Variants in BCAM observed in about 807,000 individuals in gnomAD.
The protein encoded by BCAM is basal cell adhesion molecule.
A neutral mutation model predicts 72.4 loss-of-function variants in BCAM; 61 were observed. That is an observed-to-expected ratio of 0.84 (90% CI 0.69 to 1.04). The LOEUF (loss-of-function observed/expected upper bound fraction) is 1.04, where lower values mean the gene tolerates loss of function less well. BCAM is among the 50% of genes least tolerant of loss of function. The probability of loss-of-function intolerance (pLI) is 0.00; values close to 1 mark genes in which losing one functional copy is unlikely to be tolerated. For synonymous variants in BCAM, 408 were observed against 384.2 expected (o/e 1.06, Z -0.73); for missense variants, 909 against 895.0 (o/e 1.02, Z -0.20).
At position 44,818,799 on chromosome 19, in the gene BCAM, C is replaced by A. The variant is rs980789272; in HGVS notation, c.1253C>A (p.Ser418Tyr). 2 of 1,614,016 alleles carry A rather than the reference C, an allele frequency of 1.2e-6. No individual in the cohort carries two copies. The highest frequency in any genetic ancestry group is 2.2e-5 in the East Asian group (1 of 44,880). ...MLSLSSITFDSNGTYVCEASL... is the reference protein window; with the variant it reads ...MLSLSSITFDYNGTYVCEASL... ...TCGCTCAGTTCTATCACCTTCGATTCCAATGGCACCTACGTATGTGAGGCC... is the reference window on the plus strand; with the variant it reads ...TCGCTCAGTTCTATCACCTTCGATTACAATGGCACCTACGTATGTGAGGCC... The change falls in exon 10 of 15, where the codon TCC (serine) becomes TAC (tyrosine). Residue 418 changes from serine to tyrosine, a missense_variant. Physicochemically the swap from Ser to Tyr is moderately radical, Grantham distance 144 (BLOSUM62 -2). Transcript: ENST00000270233. The surrounding 1 kb of genome is among the most constrained non-coding windows in gnomAD (Gnocchi z 4.6).
chr19:44,809,157 C>T lies in BCAM; in HGVS notation c.33C>T (p.Arg11=), dbSNP rs1968383781. 2.0e-6 allele frequency: 3 copies of T among 1,472,920 alleles called. No individual in the cohort carries two copies. The highest frequency in any genetic ancestry group is 1.5e-5 in the African/African-American group (1 of 68,340). 91.2% of individuals were successfully genotyped at this position (1,472,920 alleles called of 1,614,324 possible). MEPPDAPAQA[R]GAPRLLLLAV... is the part of the protein sequence containing the mutation. ...CCCCGGACGCACCGGCCCAGGCGCG[C>T]GGGGCCCCGCGGCTGCTGTTGCTCG... Residue 11 remains arginine (R), a synonymous_variant, in exon 1 of 15, where the codon CGC becomes CGT. Coordinates refer to ENST00000270233, the MANE Select transcript of BCAM (RefSeq NM_005581.5).
rs752180392 is a variant in BCAM at position 44,814,247 on chromosome 19, G to A, written c.880G>A (p.Asp294Asn). 1 of 1,590,798 alleles carries A rather than the reference G, an allele frequency of 6.3e-7. No homozygotes were observed. Among genetic ancestry groups the A allele is most frequent in the Non-Finnish European group, 8.5e-7 (1 of 1,174,202 alleles). ...CACTGTCCAGCTGCTCTGCCGGGGG[G>A]ACGGCAGCCCCAGCCCGGAGTATAC... ...GDTVQLLCRG[D>N]GSPSPEYTLF... The change falls in exon 7 of 15, where the codon GAC becomes AAC. Residue 294 changes from aspartate to asparagine, a missense_variant. Asp to Asn is a conservative substitution (Grantham distance 23). Transcript: ENST00000270233. The surrounding 1 kb of genome is among the most constrained non-coding windows in gnomAD (Gnocchi z 4.6).
intron 10 of BCAM, 51 bp from the exon 11 acceptor site, chr19:44,819,005 C>A: frequency 2.0e-6 from 3 of 1,530,008 alleles, no homozygotes; most frequent in Non-Finnish European, 2.7e-6. Context: ...TGCCTCTCTT[C>A]TCTCTCTCTC....
Position 44,819,664 on chromosome 19 carries a change from C to A in BCAM, c.1701C>A (p.Val567=). Residue 567 remains valine (V), a synonymous_variant, in exon 13 of 15, where the codon GTC becomes GTA. Coordinates refer to ENST00000270233, the MANE Select transcript of BCAM (RefSeq NM_005581.5). Reference sequence around the variant, plus strand: ...GCCTCCTGCTCCTCGTCGTTGCTGTCTTCTACTGCGTGAGACGCAAAGGGG... The same window carrying A: ...GCCTCCTGCTCCTCGTCGTTGCTGTATTCTACTGCGTGAGACGCAAAGGGG... The part of the protein sequence containing the change: ...SVGLLLLVVA[V]FYCVRRKGGP... 6.2e-7 allele frequency: 1 copy of A among 1,613,498 alleles called. No homozygotes were observed. Among genetic ancestry groups the A allele is most frequent in the Non-Finnish European group, 8.5e-7 (1 of 1,179,714 alleles).
chr19:44,812,369 C>T lies in BCAM; in HGVS notation c.411C>T (p.Ala137=). The change falls in exon 3 of 15, where the codon GCC becomes GCT. Residue 137 remains alanine, a synonymous_variant. Coordinates refer to ENST00000270233, the MANE Select transcript of BCAM (RefSeq NM_005581.5). This position sits in a 1 kb window ranked among gnomAD's most constrained non-coding sequence, Gnocchi z 5.3. ...VRAGAAGTAE[A]TARLNVFAKP... ...CAGGGGCGGCAGGCACTGCTGAGGC[C>T]ACTGCGCGGCTCAACGTGTTTGGTA... 6.2e-7 allele frequency: 1 copy of T among 1,613,932 alleles called. No homozygotes were observed. The highest frequency in any genetic ancestry group is 1.3e-5 in the African/African-American group (1 of 75,068).
At position 44,812,562 on chromosome 19, in the gene BCAM, G is replaced by C. The variant is rs116371235; in HGVS notation, c.504+14G>C. On this transcript the variant is annotated intron_variant, in intron 4 of 14. Coordinates refer to ENST00000270233, the MANE Select transcript of BCAM (RefSeq NM_005581.5). The surrounding 1 kb of genome is among the most constrained non-coding windows in gnomAD (Gnocchi z 5.3). ...TCTGCCCAGGAGGTACCTCTCGGGTGGACCTTGGCCCCAGGGTCCTGGAGG... is the reference window on the plus strand; with the variant it reads ...TCTGCCCAGGAGGTACCTCTCGGGTCGACCTTGGCCCCAGGGTCCTGGAGG... The C allele has an allele frequency of 6.2e-7, 1 of 1,613,760 alleles. No homozygotes were observed. The highest frequency in any genetic ancestry group is 1.3e-5 in the African/African-American group (1 of 74,914).
At chr19:44,820,490 C>T (rs893313393) in intron 13 of BCAM, 11 of 1,260,172 alleles carry the variant, frequency 8.7e-6, no homozygotes, top group South Asian at 3.3e-5. Flanking sequence ...ATTCCCACCT[C>T]CAACCCCAAT....
Position 44,813,509 on chromosome 19 carries a change from C to A in BCAM, c.673C>A (p.Arg225=). The change falls in exon 6 of 15, where the codon CGG becomes AGG. Residue 225 remains arginine (R), a synonymous_variant. Transcript: ENST00000270233. This position sits in a 1 kb window ranked among gnomAD's most constrained non-coding sequence, Gnocchi z 4.2. The stretch of plus-strand genomic sequence containing the variant: ...CTCCCTCACCAGCACCCTCTACCTG[C>A]GGCTCCGCAAGGATGACCGAGACGC... ...LLSLTSTLYL[R]LRKDDRDASF... 6.2e-7 allele frequency: 1 copy of A among 1,612,644 alleles called. No individual in the cohort carries two copies. Among genetic ancestry groups the A allele is most frequent in the Middle Eastern group, 1.6e-4 (1 of 6,062 alleles).
chr19:44,811,174 A>G, intron 1 of BCAM, 51 bp from the exon 2 acceptor site: 1 of 1,609,448 alleles, frequency 6.2e-7, no homozygotes, highest in Non-Finnish European at 8.5e-7. Flanking sequence ...CCCTGTCTGG[A>G]GGGCTCTTCC....
chr19:44,819,550 G>A (rs1968551416), intron 12 of BCAM, 32 bp from the exon 13 acceptor site: 4 of 1,612,150 alleles, frequency 2.5e-6, no homozygotes, highest in Non-Finnish European at 3.4e-6. Context: ...CCCACTGCCT[G>A]ACCCACGCCT....
chr19:44,820,195 A>G (rs374180348), intron 13 of BCAM: 3 of 924,572 alleles, frequency 3.2e-6, no homozygotes, highest in South Asian at 5.0e-5. Context: ...CCCAACACCC[A>G]TCATCCCCCT....
chr19:44,809,471 T>G (rs1968389048), intron 1 of BCAM, among the ~76,000 whole-genome samples: 1 of 151,648 alleles, frequency 6.6e-6, no homozygotes. Flanking sequence ...GGAATCTGGG[T>G]CCCACCTGCC....
rs1403288586 is a variant in BCAM at position 44,813,548 on chromosome 19, G to A, written c.712G>A (p.Ala238Thr). 3 of 1,612,502 alleles carry A rather than the reference G, an allele frequency of 1.9e-6. No individual in the cohort carries two copies. Among genetic ancestry groups the A allele is most frequent in the East Asian group, 2.2e-5 (1 of 44,872 alleles). Residue 238 changes from alanine (A) to threonine (T), a missense_variant, in exon 6 of 15, where the codon GCC (alanine) becomes ACC (threonine). Ala to Thr is a moderately conservative substitution (Grantham distance 58). Coordinates refer to ENST00000270233, the MANE Select transcript of BCAM (RefSeq NM_005581.5). This position sits in a 1 kb window ranked among gnomAD's most constrained non-coding sequence, Gnocchi z 4.2. ...TGACCGAGACGCCAGCTTCCACTGC[G>A]CCGCCCACTACAGCCTGCCCGAGGG... ...KDDRDASFHC[A>T]AHYSLPEGRH... is the part of the protein sequence containing the mutation.
chr19:44,812,348 G>A lies in BCAM; in HGVS notation c.390G>A (p.Gly130=). The part of the protein sequence containing the change: ...ERDYVCVVRA[G]AAGTAEATAR... ...ACTACGTGTGCGTGGTGAGGGCAGG[G>A]GCGGCAGGCACTGCTGAGGCCACTG... Residue 130 remains glycine, a synonymous_variant, in exon 3 of 15, where the codon GGG becomes GGA. Coordinates refer to ENST00000270233, the MANE Select transcript of BCAM (RefSeq NM_005581.5). This position sits in a 1 kb window ranked among gnomAD's most constrained non-coding sequence, Gnocchi z 5.3. The A allele has an allele frequency of 6.2e-7, 1 of 1,613,704 alleles. No homozygotes were observed. The highest frequency in any genetic ancestry group is 1.1e-5 in the South Asian group (1 of 91,064).
Position 44,814,866 on chromosome 19 carries a change from C to A in BCAM, c.1078+106C>A. ...TTGCTCTGTCATCCCAAACACTCTG[C>A]CTTCAACCCTTTCTCTGCATTTCTT... On this transcript the variant is annotated intron_variant, in intron 8 of 14. Coordinates refer to ENST00000270233, the MANE Select transcript of BCAM (RefSeq NM_005581.5). This position sits in a 1 kb window ranked among gnomAD's most constrained non-coding sequence, Gnocchi z 4.6. 8.3e-7 allele frequency: 1 copy of A among 1,200,006 alleles called. No individual in the cohort carries two copies. The highest frequency in any genetic ancestry group is 2.5e-5 in the South Asian group (1 of 40,342). The allele number at this position is 1,200,006 out of a possible 1,614,324, so 74.3% of individuals were successfully genotyped here.
intron 1 of BCAM, 52 bp downstream of exon 1, chr19:44,809,258 C>T: frequency 3.7e-6 from 5 of 1,346,686 alleles, no homozygotes; most frequent in Non-Finnish European, 4.8e-6. Flanking sequence ...CCCTGGGGAC[C>T]CCGGGAAAGC....
chr19:44,820,851 G>A, intron 14 of BCAM, 29 bp downstream of exon 14: 1 of 1,532,528 alleles, frequency 6.5e-7, no homozygotes, highest in South Asian at 1.2e-5. Flanking sequence ...CCCCTGGTGA[G>A]AGGGACCTGC....
chr19:44,811,395 C>T, intron 2 of BCAM, 49 bp downstream of exon 2: 1 of 1,608,662 alleles, frequency 6.2e-7, no homozygotes, highest in Admixed American at 1.7e-5. Context: ...AGCAGGGCAG[C>T]AAAGGTTCAT....
At chr19:44,810,487 G>T (rs764447224) in intron 1 of BCAM, among the ~76,000 whole-genome samples, 2 of 151,246 alleles carry the variant, frequency 1.3e-5, no homozygotes, top group Non-Finnish European at 2.9e-5. Context: ...GGGCCCAGCC[G>T]CAGCCCACAC....
Sources: gnomAD v4.1 joint callset for allele counts (sites outside exome capture counted in the v4.1 genomes callset) on GRCh38, gnomAD v4.1.1 for gene constraint, Gnocchi (gnomAD v3.1) non-coding constraint, MANE v1.5 for transcripts, NCBI Gene and HGNC (gene_info 2026-07-23, HGNC 2026-07-21) for gene names.